MAD1L1: variants seen among roughly 807,000 people sequenced by gnomAD.
MAD1L1 encodes the protein mitotic spindle assembly checkpoint protein MAD1.
MAD1L1 carries 95 observed loss-of-function variants against 96.9 expected under a neutral mutation model. The observed-to-expected ratio is 0.98, with a 90% CI of 0.83 to 1.16. The LOEUF (loss-of-function observed/expected upper bound fraction) is 1.16, where lower values mean the gene tolerates loss of function less well. Ranked by LOEUF, MAD1L1 falls within the 50% of genes most tolerant of loss-of-function variation. The pLI, the probability that MAD1L1 is intolerant of heterozygous loss-of-function variation, is 0.00. For synonymous variants in MAD1L1, 473 were observed against 396.6 expected (o/e 1.19, Z -2.29); for missense variants, 1,007 against 954.4 (o/e 1.06, Z -0.73).
At chr7:1,874,030 A>C (rs1785245326) in intron 18 of MAD1L1, among the ~76,000 whole-genome samples, 1 of 152,030 alleles carries the variant, frequency 6.6e-6, no homozygotes, top group Non-Finnish European at 1.5e-5. Context: ...CAGGCTGAGG[A>C]CAGGCGGGCC....
At chr7:1,935,811 C>T (rs1290099575) in intron 17 of MAD1L1, among the ~76,000 whole-genome samples, 1 of 152,248 alleles carries the variant, frequency 6.6e-6, no homozygotes, top group Non-Finnish European at 1.5e-5. Flanking sequence ...AGCCTCCAGG[C>T]CCCACCACAG....
At position 1,936,668 on chromosome 7, in the gene MAD1L1, G is replaced by A. The variant is rs534622406; in HGVS notation, c.1807+19C>T. 71 of 1,543,936 alleles carry A rather than the reference G, an allele frequency of 4.6e-5. No homozygotes were observed. The highest frequency in any genetic ancestry group is 5.4e-5 in the Non-Finnish European group (62 of 1,145,922). Reference sequence around the variant, plus strand: ...CGGAAGGTCGAGGATGGCAGGGACCGGGGGTGGGGGGTGCCTACCTGCCAC... The same window carrying A: ...CGGAAGGTCGAGGATGGCAGGGACCAGGGGTGGGGGGTGCCTACCTGCCAC... On this transcript the variant is annotated intron_variant, in intron 17 of 18. Coordinates refer to ENST00000265854, the MANE Select transcript of MAD1L1 (RefSeq NM_001013836.2).
intron 12 of MAD1L1, among the ~76,000 whole-genome samples, chr7:2,048,057 A>G (rs1435854412): frequency 2.0e-5 from 3 of 150,886 alleles, no homozygotes; most frequent in Non-Finnish European, 4.5e-5. Flanking sequence ...ACAGCACTCA[A>G]CACAGATATG....
At chr7:2,209,883 C>CCA (rs1436251062) in intron 10 of MAD1L1, 1 of 152,418 alleles carries the variant, frequency 6.6e-6, no homozygotes, top group Non-Finnish European at 1.5e-5. Context: ...ACGCATGTCT[C>CCA]CACACAAGAA....
In MAD1L1 at chr7:1,848,315, T is replaced by C. The variant is rs114520619; in HGVS notation, c.1999-32087A>G. 3.3e-3 allele frequency: 536 copies of C among 160,900 alleles called. 4 individuals are homozygous for C. The highest frequency in any genetic ancestry group is 0.011 in the African/African-American group (439 of 41,570). 10.0% of individuals were successfully genotyped at this position (160,900 alleles called of 1,614,324 possible). On this transcript the variant is annotated intron_variant, in intron 18 of 18. Transcript: ENST00000265854. ...CATCGGCCACTCGGGTAGACAGAAG[T>C]GTGGGTGGGCTGTGTGCATGCCAGG...
chr7:1,950,445 A>G (rs1779438757), intron 16 of MAD1L1, among the ~76,000 whole-genome samples: 1 of 152,098 alleles, frequency 6.6e-6, no homozygotes, highest in Non-Finnish European at 1.5e-5. Flanking sequence ...ACAGCCAATT[A>G]CCCGGTGCTG....
intron 3 of MAD1L1, 47 bp downstream of exon 3, chr7:2,229,937 C>T (rs1381287540): frequency 6.3e-7 from 1 of 1,593,862 alleles, no homozygotes; most frequent in Non-Finnish European, 8.5e-7. Context: ...CTGCCCGGGC[C>T]CAGGGTCTCC....
At chr7:1,915,534 C>A (rs1331075402) in intron 17 of MAD1L1, among the ~76,000 whole-genome samples, 3 of 152,204 alleles carry the variant, frequency 2.0e-5, no homozygotes, top group Non-Finnish European at 4.4e-5. Flanking sequence ...TGTTCCACGG[C>A]GGGCTGGAGG....
Position 2,003,504 on chromosome 7 carries a change from G to A in MAD1L1, c.1360-1383C>T, listed in dbSNP as rs547110837. 3.6e-3 allele frequency among the ~76,000 whole-genome samples: 546 copies of A among 152,136 alleles called. 2 individuals are homozygous for A. Among genetic ancestry groups the A allele is most frequent in the Non-Finnish European group, 6.1e-3 (412 of 67,950 alleles). On this transcript the variant is annotated intron_variant, in intron 13 of 18. Coordinates refer to ENST00000265854, the MANE Select transcript of MAD1L1 (RefSeq NM_001013836.2). ...CAGAGCCAGGCTCTGGACTTCCCAC[G>A]GGCTATCCTGGTGCCTGCTGGTTCT...
chr7:2,100,544 G>A (rs930444891), intron 11 of MAD1L1, among the ~76,000 whole-genome samples: 2 of 152,232 alleles, frequency 1.3e-5, no homozygotes, highest in Admixed American at 6.5e-5. Context: ...AGCCCTGAGC[G>A]GGCCCTGCAC....
At chr7:1,939,079 C>T (rs2128465223) in intron 16 of MAD1L1, among the ~76,000 whole-genome samples, 1 of 120,928 alleles carries the variant, frequency 8.3e-6, no homozygotes, top group African/African-American at 3.3e-5. Context: ...AGAGCCGGGA[C>T]CAGAGGCGCG....
intron 15 of MAD1L1, among the ~76,000 whole-genome samples, chr7:1,973,024 GAATTC>G (rs1780473632): frequency 6.6e-6 from 1 of 152,172 alleles, no homozygotes; most frequent in Non-Finnish European, 1.5e-5. Flanking sequence ...CAGTCTGAGT[GAATTC>G]GATTCTTTCG....
chr7:2,083,232 G>A (rs1364696410), intron 11 of MAD1L1, among the ~76,000 whole-genome samples: 1 of 152,258 alleles, frequency 6.6e-6, no homozygotes. Flanking sequence ...GAGCTGGAGA[G>A]AGGAAGGCAC....
chr7:1,908,189 G>T (rs982427720), intron 17 of MAD1L1, among the ~76,000 whole-genome samples: 1 of 152,224 alleles, frequency 6.6e-6, no homozygotes, highest in Non-Finnish European at 1.5e-5. Context: ...TGGAACTGGG[G>T]ACCACCTGGC....
chr7:1,885,818 T>C (rs12532128), intron 18 of MAD1L1, among the ~76,000 whole-genome samples: 45,937 of 152,164 alleles, frequency 0.3, 8,344 homozygotes, highest in East Asian at 0.46. Flanking sequence ...CCCTCCAGCC[T>C]GGCCCCTAGG....
intron 11 of MAD1L1, among the ~76,000 whole-genome samples, chr7:2,096,117 C>A (rs1786477241): frequency 1.3e-5 from 2 of 152,342 alleles, no homozygotes; most frequent in South Asian, 2.1e-4. Context: ...CTGGGTAAGG[C>A]CATCAGAGCA....
chr7:2,000,173 G>A (rs898065433), intron 14 of MAD1L1, among the ~76,000 whole-genome samples: 2 of 152,110 alleles, frequency 1.3e-5, no homozygotes, highest in African/African-American at 4.8e-5. Flanking sequence ...CATACCATGA[G>A]CCCACCCGGG....
At chr7:1,826,707 C>T (rs1245062708) in intron 18 of MAD1L1, among the ~76,000 whole-genome samples, 2 of 152,368 alleles carry the variant, frequency 1.3e-5, no homozygotes, top group South Asian at 4.1e-4. Flanking sequence ...GACAGAACGC[C>T]GAGAACAAAT....
intron 16 of MAD1L1, among the ~76,000 whole-genome samples, chr7:1,937,713 A>G (rs1203519462): frequency 1.1e-5 from 1 of 91,048 alleles, no homozygotes; most frequent in Admixed American, 1.1e-4. Context: ...AGGGAGGTGC[A>G]GGGTCACTGC....
Sources: allele counts gnomAD v4.1 joint callset (sites outside exome capture counted in the v4.1 genomes callset), GRCh38; gene constraint gnomAD v4.1.1; transcripts MANE v1.5; gene names NCBI Gene and HGNC (gene_info 2026-07-23, HGNC 2026-07-21).